The following CHTF8 variants were observed in gnomAD, a reference collection of about 807,000 sequenced individuals.
CHTF8 encodes the protein chromosome transmission fidelity protein 8 homolog.
In CHTF8, 6 loss-of-function variants were observed where a neutral mutation model predicts 11.0. That is an observed-to-expected ratio of 0.55 (90% CI 0.30 to 1.08). The LOEUF (loss-of-function observed/expected upper bound fraction) is 1.08, where lower values mean the gene tolerates loss of function less well. Ranked by LOEUF, CHTF8 falls within the 50% of genes least tolerant of loss-of-function variation. The pLI, the probability that CHTF8 is intolerant of heterozygous loss-of-function variation, is 0.07. For synonymous variants in CHTF8, 53 were observed against 60.5 expected, an observed-to-expected ratio of 0.88 and a Z score of 0.57; for missense variants, 140 against 153.1, an observed-to-expected ratio of 0.91 and a Z score of 0.45.
intron 1 of CHTF8, among the ~76,000 whole-genome samples, chr16:69,129,886 A>C (rs1034997305): frequency 6.6e-6 from 1 of 152,236 alleles, no homozygotes; most frequent in Non-Finnish European, 1.5e-5. Context: ...AAAACAAAGA[A>C]GCAGCTTGCT....
chr16:69,119,057 C>T lies in CHTF8; in HGVS notation c.*1368G>A. The T allele has an allele frequency of 1.4e-6, 1 of 703,034 alleles. No homozygotes were observed. The allele number at this position is 703,034 out of a possible 1,614,324, so 43.5% of individuals were successfully genotyped here. ...CTTGTGAAAGGAGCTGGGTTGATAC[C>T]CACAGGGCCAGCTGGAGAAGGGCCC... On this transcript the variant is annotated 3_prime_UTR_variant, in exon 4 of 4. Transcript: ENST00000448552.
chr16:69,123,941 A>C (rs1035367058), intron 1 of CHTF8, among the ~76,000 whole-genome samples: 33 of 140,544 alleles, frequency 2.3e-4, no homozygotes, highest in African/African-American at 6.0e-4. Context: ...AAAAAAAAAA[A>C]AAAAAACAAA....
intron 1 of CHTF8, among the ~76,000 whole-genome samples, chr16:69,123,784 A>C (rs1961853993): frequency 6.6e-6 from 1 of 152,126 alleles, no homozygotes; most frequent in South Asian, 2.1e-4. Context: ...AAAATATCTT[A>C]GATAATTAGA....
chr16:69,127,455 G>T (rs1003558749), intron 1 of CHTF8, among the ~76,000 whole-genome samples: 3 of 152,052 alleles, frequency 2.0e-5, no homozygotes, highest in African/African-American at 7.2e-5. Context: ...AAGACGACTA[G>T]AGCAATTTCT....
chr16:69,121,104 G>C lies in CHTF8; in HGVS notation c.90C>G (p.Tyr30Ter). The C allele has an allele frequency of 6.2e-7, 1 of 1,613,998 alleles. No homozygotes were observed. The highest frequency in any genetic ancestry group is 8.5e-7 in the Non-Finnish European group (1 of 1,180,034). The change falls in exon 3 of 4, where the codon TAC becomes TAG. Residue 30 changes from tyrosine to a stop codon, truncating the protein, a stop_gained. Coordinates refer to ENST00000448552, the MANE Select transcript of CHTF8 (RefSeq NM_001039690.5). LOFTEE classifies it high-confidence loss of function. The stretch of plus-strand genomic sequence containing the variant: ...GGAGGTTTCCAGCTAATCCAGTGCT[G>C]TAGCGAGCCTCGATCTCCCCCTGTA... ...MELQGEIEAR[Y>*]STGLAGNLLG...
chr16:69,123,207 G>A (rs934620128), intron 1 of CHTF8, among the ~76,000 whole-genome samples: 1 of 152,116 alleles, frequency 6.6e-6, no homozygotes, highest in African/African-American at 2.4e-5. Context: ...CAGATGTGAG[G>A]CACTGTGCCC....
chr16:69,128,634 TTC>T (rs1962264730), intron 1 of CHTF8, among the ~76,000 whole-genome samples: 1 of 152,204 alleles, frequency 6.6e-6, no homozygotes, highest in Non-Finnish European at 1.5e-5. Flanking sequence ...GGCACCAGCA[TTC>T]AAAGAATCAA....
At chr16:69,122,092 T>C (rs1189417540) in intron 1 of CHTF8, among the ~76,000 whole-genome samples, 1 of 152,184 alleles carries the variant, frequency 6.6e-6, no homozygotes, top group Non-Finnish European at 1.5e-5. Context: ...GGCCGACAAC[T>C]AATATTTATT....
At chr16:69,132,319 C>A (rs867105113) in intron 1 of CHTF8, among the ~76,000 whole-genome samples, 165 bp downstream of exon 1, 1 of 147,292 alleles carries the variant, frequency 6.8e-6, no homozygotes, top group African/African-American at 2.5e-5. Flanking sequence ...GGCCACCCCT[C>A]CCCCGCCCGC....
intron 1 of CHTF8, among the ~76,000 whole-genome samples, chr16:69,127,931 T>C (rs1331909624): frequency 1.4e-5 from 2 of 142,524 alleles, no homozygotes; most frequent in Non-Finnish European, 3.1e-5. Flanking sequence ...TCTTCTTTTT[T>C]TGAGACAGAG....
At chr16:69,121,284 G>A (rs924962213) in intron 2 of CHTF8, 114 bp from the exon 3 acceptor site, 1 of 1,268,254 alleles carries the variant, frequency 7.9e-7, no homozygotes, top group African/African-American at 1.5e-5. Flanking sequence ...AAGTTCTTGG[G>A]AAATTGGGCA....
At chr16:69,131,751 T>C (rs1406608677) in intron 1 of CHTF8, among the ~76,000 whole-genome samples, 3 of 151,752 alleles carry the variant, frequency 2.0e-5, no homozygotes, top group African/African-American at 7.3e-5. Context: ...GATTACTCTT[T>C]AAACGTCCTT....
At position 69,120,222 on chromosome 16, in the gene CHTF8, T is replaced by C. The variant is rs1431661588; in HGVS notation, c.*203A>G. 2 of 704,754 alleles carry C rather than the reference T, an allele frequency of 2.8e-6. No individual in the cohort carries two copies. The highest frequency in any genetic ancestry group is 2.6e-6 in the Non-Finnish European group (1 of 386,752). 43.7% of individuals were successfully genotyped at this position (704,754 alleles called of 1,614,324 possible). The stretch of plus-strand genomic sequence containing the variant: ...AGCCTGATGAAGCTGGAAAAGGAGA[T>C]GGGTTCCTTGGAAATGGGGTCAGAT... On this transcript the variant is annotated 3_prime_UTR_variant, in exon 4 of 4. Coordinates refer to ENST00000448552, the MANE Select transcript of CHTF8 (RefSeq NM_001039690.5). This position sits in a 1 kb window ranked among gnomAD's most constrained non-coding sequence, Gnocchi z 4.0.
intron 1 of CHTF8, among the ~76,000 whole-genome samples, chr16:69,127,572 G>T (rs990322401): frequency 1.4e-5 from 2 of 147,656 alleles, no homozygotes; most frequent in African/African-American, 4.9e-5. Context: ...GAAACTAAAA[G>T]AGAGTCAGTG....
In CHTF8 at chr16:69,118,428, CCGTTCACCAACGCCA is replaced by C; in HGVS notation, c.*1982_*1996del. 1 of 1,612,634 alleles carries C rather than the reference CCGTTCACCAACGCCA, an allele frequency of 6.2e-7. No individual in the cohort carries two copies. The highest frequency in any genetic ancestry group is 8.5e-7 in the Non-Finnish European group (1 of 1,178,626). ...CAGGTCAGAGCTACGGAAGCATGGTCCGTTCACCAACGCCACGTTTCTAGAGAGCAGTGAGCTGAT... is the reference window on the plus strand; with the variant it reads ...CAGGTCAGAGCTACGGAAGCATGGTCCGTTTCTAGAGAGCAGTGAGCTGAT... On this transcript the variant is annotated 3_prime_UTR_variant, in exon 4 of 4. Coordinates refer to ENST00000448552, the MANE Select transcript of CHTF8 (RefSeq NM_001039690.5).
At chr16:69,130,194 T>C (rs1298006527) in intron 1 of CHTF8, among the ~76,000 whole-genome samples, 8 of 152,368 alleles carry the variant, frequency 5.3e-5, no homozygotes, top group African/African-American at 1.9e-4. Flanking sequence ...GAAAGTGTGA[T>C]ATGTATCCAA....
intron 1 of CHTF8, among the ~76,000 whole-genome samples, chr16:69,129,771 A>G (rs1372206873): frequency 2.0e-5 from 3 of 152,212 alleles, no homozygotes; most frequent in Admixed American, 6.5e-5. Context: ...TGCTTTACAA[A>G]TATTAGCCTC....
intron 1 of CHTF8, among the ~76,000 whole-genome samples, chr16:69,129,602 T>C (rs931855947): frequency 1.3e-5 from 2 of 152,194 alleles, no homozygotes; most frequent in African/African-American, 4.8e-5. Flanking sequence ...ATTTCACAAA[T>C]GAGGAAACAG....
intron 1 of CHTF8, among the ~76,000 whole-genome samples, chr16:69,130,306 A>G (rs1962407719): frequency 6.7e-6 from 1 of 149,648 alleles, no homozygotes; most frequent in South Asian, 2.2e-4. Context: ...AACGTTTTAG[A>G]AATTTTGTTT....
Sources: allele counts gnomAD v4.1 joint callset (sites outside exome capture counted in the v4.1 genomes callset), GRCh38; gene constraint gnomAD v4.1.1; non-coding constraint Gnocchi (gnomAD v3.1); transcripts MANE v1.5; gene names NCBI Gene and HGNC (gene_info 2026-07-23, HGNC 2026-07-21).